MYO10: variants seen among roughly 807,000 people sequenced by gnomAD.
The protein encoded by MYO10 is unconventional myosin-X.
In MYO10, 133 loss-of-function variants were observed where a neutral mutation model predicts 257.3. The observed-to-expected ratio is 0.52, with a 90% confidence interval of 0.45 to 0.60. The LOEUF (loss-of-function observed/expected upper bound fraction) is 0.60, where lower values mean the gene tolerates loss of function less well. Among genes scored for constraint, MYO10 ranks in the 20% least tolerant of loss-of-function variants. The pLI, the probability that MYO10 is intolerant of heterozygous loss-of-function variation, is 0.00. For missense variants in MYO10, 2,399 were observed against 2,635.7 expected (o/e 0.91, Z 1.97); for synonymous variants, 1,104 against 1,028.6 (o/e 1.07, Z -1.40).
intron 3 of MYO10, among the ~76,000 whole-genome samples, chr5:16,807,006 T>C (rs1742297111): frequency 1.3e-5 from 2 of 152,224 alleles, no homozygotes; most frequent in South Asian, 4.1e-4. Flanking sequence ...AAGCTGGATG[T>C]AGAAGATACA....
At chr5:16,820,636 A>C (rs970498641) in intron 2 of MYO10, among the ~76,000 whole-genome samples, 1 of 152,328 alleles carries the variant, frequency 6.6e-6, no homozygotes, top group Non-Finnish European at 1.5e-5. Context: ...AGTCCTTCTC[A>C]ACGTGAAAAC....
At chr5:16,908,228 C>G (rs1580138999) in intron 1 of MYO10, among the ~76,000 whole-genome samples, 1 of 150,918 alleles carries the variant, frequency 6.6e-6, no homozygotes, top group South Asian at 2.1e-4. Flanking sequence ...GAGTGAGACT[C>G]TTGCTCAAAA....
At chr5:16,675,182 C>A (rs766140193) in intron 34 of MYO10, 32 bp from the exon 35 acceptor site, 1 of 1,607,878 alleles carries the variant, frequency 6.2e-7, no homozygotes, top group Non-Finnish European at 8.5e-7. Flanking sequence ...CGGAACTCAT[C>A]TGAGGGGTTC....
At chr5:16,688,316 G>A (rs1160108044) in intron 28 of MYO10, among the ~76,000 whole-genome samples, 1 of 152,142 alleles carries the variant, frequency 6.6e-6, no homozygotes, top group Non-Finnish European at 1.5e-5. Context: ...TTGCTATCAT[G>A]GTACTGTATC....
At chr5:16,845,178 T>C (rs1743597154) in intron 2 of MYO10, among the ~76,000 whole-genome samples, 1 of 152,054 alleles carries the variant, frequency 6.6e-6, no homozygotes, top group Non-Finnish European at 1.5e-5. Flanking sequence ...GCAGTACATT[T>C]TTTCCTGAAA....
chr5:16,809,059 T>C (rs1247387369), intron 3 of MYO10, among the ~76,000 whole-genome samples: 3 of 152,026 alleles, frequency 2.0e-5, no homozygotes, highest in Admixed American at 1.3e-4. Context: ...CATGTGCTGA[T>C]GTGGAAGCGG....
At chr5:16,747,176 G>A (rs375361919) in intron 19 of MYO10, among the ~76,000 whole-genome samples, 98 of 152,260 alleles carry the variant, frequency 6.4e-4, no homozygotes, top group African/African-American at 2.1e-3. Flanking sequence ...GGTCAGCTGA[G>A]GGAGGTAGAC....
intron 2 of MYO10, among the ~76,000 whole-genome samples, chr5:16,850,425 G>A (rs895549549): frequency 3.3e-5 from 5 of 151,792 alleles, no homozygotes; most frequent in East Asian, 2.0e-4. Flanking sequence ...CTACAGGCGC[G>A]CACCACCACA....
At chr5:16,889,406 GAAAGACA>G (rs1744981033) in intron 1 of MYO10, among the ~76,000 whole-genome samples, 1 of 149,242 alleles carries the variant, frequency 6.7e-6, no homozygotes, top group African/African-American at 2.5e-5. Flanking sequence ...ACTCCATCAA[GAAAGACA>G]GAAAGACTGA....
rs781441532 is a variant in MYO10, at chr5:16,744,404, G to A, written c.1929+10424C>T. Among the ~76,000 whole-genome samples the A allele has an allele frequency of 2.2e-4, 34 of 152,252 alleles. 1 individual carries two copies. The highest frequency in any genetic ancestry group is 2.1e-3 in the South Asian group (10 of 4,818). ...CAAGGTGTAGTGATGAGGCCTGGGC[G>A]AAACCTGGGTGCACACCTTTGATCT... is the stretch of plus-strand genomic sequence containing the variant. On this transcript the variant is annotated intron_variant, in intron 19 of 40. Coordinates refer to ENST00000513610, the MANE Select transcript of MYO10 (RefSeq NM_012334.3).
chr5:16,874,332 T>TA (rs1201250739), intron 2 of MYO10, among the ~76,000 whole-genome samples: 76 of 59,538 alleles, frequency 1.3e-3, no homozygotes, highest in African/African-American at 4.4e-3. Context: ...AGACTCCATC[T>TA]AAAAAAAAAA....
chr5:16,794,911 T>G, intron 3 of MYO10, 78 bp from the exon 4 acceptor site: 1 of 1,162,352 alleles, frequency 8.6e-7, no homozygotes, highest in Non-Finnish European at 1.1e-6. Context: ...ACCCACCGAG[T>G]GTGCGCCAGG....
At chr5:16,845,987 T>C (rs1191607410) in intron 2 of MYO10, among the ~76,000 whole-genome samples, 1 of 151,482 alleles carries the variant, frequency 6.6e-6, no homozygotes, top group Non-Finnish European at 1.5e-5. Flanking sequence ...AGGAAAAGAA[T>C]GGCAAGAGTT....
intron 2 of MYO10, among the ~76,000 whole-genome samples, chr5:16,824,003 T>C (rs1476723475): frequency 6.6e-6 from 1 of 152,140 alleles, no homozygotes; most frequent in East Asian, 1.9e-4. Flanking sequence ...TGTTCTGTTC[T>C]AGAAGTACAA....
chr5:16,690,376 G>A (rs1041443677), intron 27 of MYO10, among the ~76,000 whole-genome samples: 2 of 152,166 alleles, frequency 1.3e-5, no homozygotes, highest in African/African-American at 4.8e-5. Context: ...AAAAGACATG[G>A]AGGGACCTAC....
intron 2 of MYO10, among the ~76,000 whole-genome samples, chr5:16,820,110 C>T (rs558415582): frequency 3.9e-5 from 6 of 152,320 alleles, no homozygotes; most frequent in African/African-American, 1.4e-4. Context: ...AGAAGTGCTT[C>T]GCACCCAGAA....
At chr5:16,712,465 C>G (rs1297597495) in intron 19 of MYO10, among the ~76,000 whole-genome samples, 2 of 152,124 alleles carry the variant, frequency 1.3e-5, no homozygotes, top group Non-Finnish European at 2.9e-5. Flanking sequence ...TTTAATTAAG[C>G]TGCATGTTGT....
At chr5:16,831,305 G>A (rs1743155487) in intron 2 of MYO10, among the ~76,000 whole-genome samples, 1 of 152,162 alleles carries the variant, frequency 6.6e-6, no homozygotes, top group African/African-American at 2.4e-5. Context: ...ATGGAAAACG[G>A]TGTGGAGATT....
chr5:16,736,706 T>C (rs1336647682), intron 19 of MYO10, among the ~76,000 whole-genome samples: 4 of 152,182 alleles, frequency 2.6e-5, no homozygotes, highest in African/African-American at 7.2e-5. Flanking sequence ...ATCAAATGCA[T>C]AGGCCAACGT....
Sources: gnomAD v4.1 joint callset for allele counts (sites outside exome capture counted in the v4.1 genomes callset) on GRCh38, gnomAD v4.1.1 for gene constraint, MANE v1.5 for transcripts, NCBI Gene and HGNC (gene_info 2026-07-23, HGNC 2026-07-21) for gene names.